The following MAML1 variants were observed in gnomAD, a reference collection of about 807,000 sequenced individuals.
MAML1 encodes mastermind like transcriptional coactivator 1.
MAML1 carries 14 observed loss-of-function variants against 77.1 expected under a neutral mutation model. That is an observed-to-expected ratio of 0.18 (90% CI 0.12 to 0.28). MAML1 has a LOEUF of 0.28. Ranked by LOEUF, MAML1 falls within the 10% of genes least tolerant of loss-of-function variation. The probability of loss-of-function intolerance (pLI) is 1.00; values close to 1 mark genes in which losing one functional copy is unlikely to be tolerated. For missense variants in MAML1, 1,217 were observed against 1,327.8 expected, an observed-to-expected ratio of 0.92 and a Z score of 1.30; for synonymous variants, 516 against 551.9, an observed-to-expected ratio of 0.93 and a Z score of 0.91.
rs1407525317 is a variant in MAML1, at chr5:179,769,497, A to G, written c.1971+408A>G. Among the ~76,000 whole-genome samples, 1 of 152,088 alleles carries G rather than the reference A, an allele frequency of 6.6e-6. No homozygotes were observed. Among genetic ancestry groups the G allele is most frequent in the East Asian group, 1.9e-4 (1 of 5,188 alleles). On this transcript the variant is annotated intron_variant, in intron 3 of 4. Transcript: ENST00000292599. This position sits in a 1 kb window ranked among gnomAD's most constrained non-coding sequence, Gnocchi z 4.2. ...AAGTGAAGTCATCCCTGAGGGAAAC[A>G]CAGTTCACTCGCTTGGTTAGCAAGT...
rs568452394 is a variant in MAML1 at position 179,775,416 on chromosome 5, C to T, written c.*539C>T. On this transcript the variant is annotated 3_prime_UTR_variant, in exon 5 of 5. Transcript: ENST00000292599. ...AAGTGGCATTGGAAACCTAGGGTTT[C>T]CTTTTGATTAAGAGCCTTTTTTGTT... 2 of 985,386 alleles carry T rather than the reference C, an allele frequency of 2.0e-6. No individual in the cohort carries two copies. Among genetic ancestry groups the T allele is most frequent in the South Asian group, 9.4e-5 (2 of 21,274 alleles). 61.0% of individuals were successfully genotyped at this position (985,386 alleles called of 1,614,324 possible).
intron 1 of MAML1, among the ~76,000 whole-genome samples, chr5:179,752,181 C>T (rs1779500409): frequency 6.6e-6 from 1 of 151,326 alleles, no homozygotes; most frequent in African/African-American, 2.4e-5. Flanking sequence ...CAGAAATTAG[C>T]TGGGTGTGGT....
chr5:179,750,704 C>T (rs572971643), intron 1 of MAML1, among the ~76,000 whole-genome samples: 2 of 152,118 alleles, frequency 1.3e-5, no homozygotes, highest in South Asian at 2.1e-4. Flanking sequence ...CAAAGCAATC[C>T]GCTTGCCTGG....
chr5:179,748,455 T>C lies in MAML1; in HGVS notation c.315+15028T>C, dbSNP rs535221506. Among the ~76,000 whole-genome samples, 208 of 150,098 alleles carry C rather than the reference T, an allele frequency of 1.4e-3. 1 individual carries two copies. The highest frequency in any genetic ancestry group is 1.2e-3 in the Non-Finnish European group (81 of 68,036). On this transcript the variant is annotated intron_variant, in intron 1 of 4. Transcript: ENST00000292599. ...GCCTTTGACCACAGTTTTTGAAAAG[T>C]GAGACAGAAACTGTGATTTTATAAA...
chr5:179,749,859 G>T (rs1008504913), intron 1 of MAML1, among the ~76,000 whole-genome samples: 2 of 152,100 alleles, frequency 1.3e-5, no homozygotes, highest in African/African-American at 4.8e-5. Flanking sequence ...CAGCCCCCTT[G>T]CTCTGACTGT....
At chr5:179,773,284 G>A (rs920070627) in intron 4 of MAML1, among the ~76,000 whole-genome samples, 13 of 152,170 alleles carry the variant, frequency 8.5e-5, no homozygotes, top group African/African-American at 2.4e-4. Context: ...TGCATATCCC[G>A]GCCACGGCCA....
intron 1 of MAML1, among the ~76,000 whole-genome samples, chr5:179,752,093 C>T (rs984897845): frequency 5.3e-5 from 8 of 151,712 alleles, no homozygotes; most frequent in East Asian, 1.9e-4. Context: ...TTTGGGAGGC[C>T]GAGGTGGGTG....
chr5:179,739,235 A>T (rs1273593521), intron 1 of MAML1, among the ~76,000 whole-genome samples: 1 of 152,192 alleles, frequency 6.6e-6, no homozygotes, highest in East Asian at 1.9e-4. Context: ...TATAATATGC[A>T]GCTCAGCATG....
At chr5:179,743,997 T>G (rs1304803661) in intron 1 of MAML1, among the ~76,000 whole-genome samples, 1 of 152,198 alleles carries the variant, frequency 6.6e-6, no homozygotes, top group Non-Finnish European at 1.5e-5. Flanking sequence ...CTTAGCGATA[T>G]GCTATCTTTC....
chr5:179,748,382 G>A (rs1198722590), intron 1 of MAML1, among the ~76,000 whole-genome samples: 1 of 147,698 alleles, frequency 6.8e-6, no homozygotes, highest in Non-Finnish European at 1.5e-5. Context: ...GCACCCAGCC[G>A]ACTACTGTAT....
At position 179,771,832 on chromosome 5, in the gene MAML1, C is replaced by T. The variant is rs1470183249; in HGVS notation, c.2068+589C>T. Among the ~76,000 whole-genome samples, 1 of 152,296 alleles carries T rather than the reference C, an allele frequency of 6.6e-6. No homozygotes were observed. The highest frequency in any genetic ancestry group is 6.5e-5 in the Admixed American group (1 of 15,298). Reference sequence around the variant, plus strand: ...TGGATACAGGAAGCTCTGGTCTGCCCGCCTTCCTAGCTCCTCTCAGAATGT... The same window carrying T: ...TGGATACAGGAAGCTCTGGTCTGCCTGCCTTCCTAGCTCCTCTCAGAATGT... On this transcript the variant is annotated intron_variant, in intron 4 of 4. Transcript: ENST00000292599. This position sits in a 1 kb window ranked among gnomAD's most constrained non-coding sequence, Gnocchi z 4.7.
intron 1 of MAML1, among the ~76,000 whole-genome samples, chr5:179,736,513 A>C (rs1265877334): frequency 6.6e-6 from 1 of 152,060 alleles, no homozygotes; most frequent in Admixed American, 6.5e-5. Context: ...GGCCTCCCAA[A>C]GTGCTGGGAT....
At position 179,766,345 on chromosome 5, in the gene MAML1, C is replaced by T; in HGVS notation, c.1335C>T (p.Pro445=). 1 of 1,605,850 alleles carries T rather than the reference C, an allele frequency of 6.2e-7. No individual in the cohort carries two copies. The highest frequency in any genetic ancestry group is 1.1e-5 in the South Asian group (1 of 90,090). Residue 445 remains proline (P), a synonymous_variant, in exon 2 of 5, where the codon CCC becomes CCT. Coordinates refer to ENST00000292599, the MANE Select transcript of MAML1 (RefSeq NM_014757.5). This position sits in a 1 kb window ranked among gnomAD's most constrained non-coding sequence, Gnocchi z 4.0. ...ACAGTTCCTTAGATGTCCCTTACCC[C>T]ATGGAGAAGCCTGCCAGCCCTTCCA... The part of the protein sequence containing the change: ...PSHSSLDVPY[P]MEKPASPSSY...
At chr5:179,739,354 AAATAG>A (rs1165273257) in intron 1 of MAML1, among the ~76,000 whole-genome samples, 17 of 150,526 alleles carry the variant, frequency 1.1e-4, no homozygotes, top group African/African-American at 3.9e-4. Flanking sequence ...TCCATCTCTC[AAATAG>A]AATAGAATAG....
chr5:179,742,691 CA>C (rs1228621856), intron 1 of MAML1, among the ~76,000 whole-genome samples: 1 of 151,758 alleles, frequency 6.6e-6, no homozygotes, highest in African/African-American at 2.4e-5. Flanking sequence ...CCTCTAATCC[CA>C]GGTACTTGGG....
chr5:179,734,045 T>A (rs186323105), intron 1 of MAML1, among the ~76,000 whole-genome samples: 30 of 152,358 alleles, frequency 2.0e-4, no homozygotes, highest in Admixed American at 1.6e-3. Flanking sequence ...ATTCTAGTTT[T>A]AATTTATCAG....
chr5:179,752,094 G>A (rs770309495), intron 1 of MAML1, among the ~76,000 whole-genome samples: 12 of 151,878 alleles, frequency 7.9e-5, no homozygotes, highest in Admixed American at 1.3e-4. Context: ...TTGGGAGGCC[G>A]AGGTGGGTGG....
Position 179,744,600 on chromosome 5 carries a change from G to A in MAML1, c.315+11173G>A, listed in dbSNP as rs1022675066. On this transcript the variant is annotated intron_variant, in intron 1 of 4. Transcript: ENST00000292599. Reference sequence around the variant, plus strand: ...CTCCCAGACTGGAATGTGGTGGCACGATCTTGGCTCACTGCAACCTCCGCC... The same window carrying A: ...CTCCCAGACTGGAATGTGGTGGCACAATCTTGGCTCACTGCAACCTCCGCC... Among the ~76,000 whole-genome samples the A allele has an allele frequency of 6.0e-5, 9 of 150,668 alleles. No individual in the cohort carries two copies. In the East Asian group the frequency reaches 1.7e-3, roughly 29 times the overall value.
At position 179,771,618 on chromosome 5, in the gene MAML1, C is replaced by T. The variant is rs535362854; in HGVS notation, c.2068+375C>T. On this transcript the variant is annotated intron_variant, in intron 4 of 4. Coordinates refer to ENST00000292599, the MANE Select transcript of MAML1 (RefSeq NM_014757.5). The surrounding 1 kb of genome is among the most constrained non-coding windows in gnomAD (Gnocchi z 4.7). Reference sequence around the variant, plus strand: ...CTATCTTCCAGATAAGGACTTAATGCACTTGCGTGGCCTTTGGCTTCTTTC... The same window carrying T: ...CTATCTTCCAGATAAGGACTTAATGTACTTGCGTGGCCTTTGGCTTCTTTC... Among the ~76,000 whole-genome samples, 2 of 152,260 alleles carry T rather than the reference C, an allele frequency of 1.3e-5. No homozygotes were observed. The highest frequency in any genetic ancestry group is 2.9e-5 in the Non-Finnish European group (2 of 68,042).
Sources: gnomAD v4.1 joint callset for allele counts (sites outside exome capture counted in the v4.1 genomes callset) on GRCh38, gnomAD v4.1.1 for gene constraint, Gnocchi (gnomAD v3.1) non-coding constraint, MANE v1.5 for transcripts, NCBI Gene and HGNC (gene_info 2026-07-23, HGNC 2026-07-21) for gene names.